SPTA1: variants seen among roughly 807,000 people sequenced by gnomAD.
SPTA1 encodes the protein spectrin alpha, erythrocytic 1.
A neutral mutation model predicts 324.7 loss-of-function variants in SPTA1; 177 were observed. The observed-to-expected ratio is 0.55, with a 90% CI of 0.48 to 0.62. SPTA1 has a LOEUF of 0.62. Among genes scored for constraint, SPTA1 ranks in the 20% least tolerant of loss-of-function variants. SPTA1 has a pLI of 0.00. For synonymous variants in SPTA1, 1,195 were observed against 1,041.3 expected (o/e 1.15, Z -2.84); for missense variants, 3,162 against 2,883.6 (o/e 1.10, Z -2.21).
intron 39 of SPTA1, among the ~76,000 whole-genome samples, chr1:158,632,300 A>T (rs901611523): frequency 6.6e-6 from 1 of 152,178 alleles, no homozygotes; most frequent in Non-Finnish European, 1.5e-5. Context: ...TTGAAGTTTT[A>T]CTAACCATAA....
chr1:158,631,126 G>T (rs556365667), intron 39 of SPTA1, among the ~76,000 whole-genome samples: 72 of 152,184 alleles, frequency 4.7e-4, no homozygotes, highest in African/African-American at 1.5e-3. Context: ...CTACCCAAAG[G>T]AAAAGAAGTC....
chr1:158,635,435 A>C (rs1482765090), intron 38 of SPTA1, among the ~76,000 whole-genome samples: 1 of 152,122 alleles, frequency 6.6e-6, no homozygotes, highest in Non-Finnish European at 1.5e-5. Context: ...CTATGAGTGA[A>C]TTAAACTTCT....
chr1:158,679,953 T>TA (rs1230742123), intron 5 of SPTA1, among the ~76,000 whole-genome samples: 1 of 152,172 alleles, frequency 6.6e-6, no homozygotes, highest in Non-Finnish European at 1.5e-5. Flanking sequence ...ATTCTCACTA[T>TA]AGAGCTGCAA....
intron 7 of SPTA1, 93 bp downstream of exon 7, chr1:158,677,597 A>G: frequency 1.4e-5 from 21 of 1,475,392 alleles, no homozygotes; most frequent in Non-Finnish European, 2.0e-5. Context: ...CAGTGAACTT[A>G]TTGTGCTCTC....
intron 35 of SPTA1, chr1:158,639,329 A>G (rs1182868464): frequency 1.9e-6 from 1 of 522,128 alleles, no homozygotes; most frequent in African/African-American, 1.9e-5. Context: ...CATCAGTAAA[A>G]GATAAAAAAG....
At chr1:158,683,930 T>G (rs1194458427) in intron 2 of SPTA1, among the ~76,000 whole-genome samples, 1 of 152,114 alleles carries the variant, frequency 6.6e-6, no homozygotes, top group Non-Finnish European at 1.5e-5. Context: ...CACATTATTT[T>G]GCTCTTGTTC....
Position 158,620,362 on chromosome 1 carries a change from C to A in SPTA1, c.6225G>T (p.Leu2075=). The change falls in exon 44 of 52, where the codon CTG becomes CTT. Residue 2075 remains leucine, a synonymous_variant. Coordinates refer to ENST00000643759, the MANE Select transcript of SPTA1 (RefSeq NM_003126.4). ...NLSEPVHCVS[L]NEIRQLQKDH... is the part of the protein sequence containing the mutation. ...CTTTCTGCAGCTGCCGAATTTCATT[C>A]AGGGAGACACAGTGCACAGGCTCTG... The A allele has an allele frequency of 6.2e-7, 1 of 1,614,108 alleles. No homozygotes were observed. The highest frequency in any genetic ancestry group is 8.5e-7 in the Non-Finnish European group (1 of 1,180,036).
intron 40 of SPTA1, 80 bp downstream of exon 40, chr1:158,627,545 T>C: frequency 7.4e-7 from 1 of 1,353,960 alleles, no homozygotes; most frequent in Non-Finnish European, 1.1e-6. Context: ...GCTCTCTGCA[T>C]ATGATCTTAG....
At chr1:158,670,276 T>G (rs1653926005) in intron 12 of SPTA1, among the ~76,000 whole-genome samples, 1 of 152,190 alleles carries the variant, frequency 6.6e-6, no homozygotes, top group South Asian at 2.1e-4. Flanking sequence ...TAGAGGTAAG[T>G]TTTCACCCTT....
intron 21 of SPTA1, among the ~76,000 whole-genome samples, chr1:158,653,944 TGA>T (rs1652644960): frequency 6.6e-6 from 1 of 152,152 alleles, no homozygotes; most frequent in African/African-American, 2.4e-5. Context: ...CAAAAAATAA[TGA>T]AGAGGCCTAG....
chr1:158,617,503 C>A (rs572939640), intron 47 of SPTA1, 34 bp downstream of exon 47: 6 of 1,586,102 alleles, frequency 3.8e-6, no homozygotes, highest in East Asian at 2.2e-5. Flanking sequence ...ATAATTTTGG[C>A]AATATCTTCA....
chr1:158,666,388 C>G lies in SPTA1; in HGVS notation c.2148G>C (p.Gly716=). ...GATTCTGTACCTCGGCCAGGCCTTT[C>G]CCATAATCCTCAGAGGTGACTTGCC... is the stretch of plus-strand genomic sequence containing the variant. ...VEWQVTSEDY[G]KGLAEVQNRL... is the part of the protein sequence containing the mutation. The change falls in exon 16 of 52, where the codon GGG becomes GGC. Residue 716 remains glycine, a synonymous_variant. Coordinates refer to ENST00000643759, the MANE Select transcript of SPTA1 (RefSeq NM_003126.4). The G allele has an allele frequency of 2.5e-6, 4 of 1,613,904 alleles. No individual in the cohort carries two copies. The highest frequency in any genetic ancestry group is 3.4e-6 in the Non-Finnish European group (4 of 1,179,982).
At chr1:158,648,352 T>C (rs923866387) in intron 26 of SPTA1, among the ~76,000 whole-genome samples, 157 bp downstream of exon 26, 1 of 152,116 alleles carries the variant, frequency 6.6e-6, no homozygotes, top group East Asian at 1.9e-4. Flanking sequence ...CTTTTCATGG[T>C]CTTGCCTTAG....
At position 158,620,402 on chromosome 1, in the gene SPTA1, A is replaced by C; in HGVS notation, c.6185T>G (p.Met2062Arg). 1 of 1,613,922 alleles carries C rather than the reference A, an allele frequency of 6.2e-7. No individual in the cohort carries two copies. The highest frequency in any genetic ancestry group is 8.5e-7 in the Non-Finnish European group (1 of 1,180,030). Residue 2062 changes from methionine to arginine, a missense_variant, in exon 44 of 52, where the codon ATG becomes AGG. Met to Arg is a moderately conservative substitution (Grantham distance 91, BLOSUM62 -1). Coordinates refer to ENST00000643759, the MANE Select transcript of SPTA1 (RefSeq NM_003126.4). ...CACAGGCTCTGACAAGTTTTCTTCC[A>C]TCTTTTCACACCAGTTGTTCAAAGC... ...ASALNNWCEK[M>R]EENLSEPVHC...
chr1:158,635,322 G>A (rs573729032), intron 38 of SPTA1, among the ~76,000 whole-genome samples: 210 of 129,650 alleles, frequency 1.6e-3, no homozygotes, highest in Non-Finnish European at 2.4e-3. Flanking sequence ...CCCCGCCCCC[G>A]CCCGCTCCCT....
intron 47 of SPTA1, among the ~76,000 whole-genome samples, chr1:158,617,076 C>T (rs1463380957): frequency 3.9e-5 from 6 of 152,116 alleles, no homozygotes; most frequent in African/African-American, 9.7e-5. Flanking sequence ...ACTGTTCTAA[C>T]CCATTACTTC....
chr1:158,625,138 G>A (rs61820500), intron 42 of SPTA1, among the ~76,000 whole-genome samples: 4,915 of 152,060 alleles, frequency 0.032, 116 homozygotes, highest in Non-Finnish European at 0.051. Context: ...TTTACAAAAG[G>A]CACATACAAA....
chr1:158,650,033 CAT>C, intron 24 of SPTA1, 86 bp from the exon 25 acceptor site: 1 of 911,472 alleles, frequency 1.1e-6, no homozygotes, highest in Middle Eastern at 2.1e-4. Context: ...AGATTTAAAA[CAT>C]AGTTGTTTTT....
chr1:158,641,860 CAT>C (rs1557946823), intron 33 of SPTA1, among the ~76,000 whole-genome samples: 1 of 152,154 alleles, frequency 6.6e-6, no homozygotes, highest in South Asian at 2.1e-4. Context: ...CACATGCACA[CAT>C]ATGTTTATTG....
Sources: allele counts gnomAD v4.1 joint callset (sites outside exome capture counted in the v4.1 genomes callset), GRCh38; gene constraint gnomAD v4.1.1; transcripts MANE v1.5; gene names NCBI Gene and HGNC (gene_info 2026-07-23, HGNC 2026-07-21).